SCML2: variants seen among roughly 807,000 people sequenced by gnomAD.
SCML2 encodes the protein sex comb on midleg-like protein 2.
SCML2 carries 6 observed loss-of-function variants against 48.4 expected under a neutral mutation model. That is an observed-to-expected ratio of 0.12 (90% CI 0.07 to 0.24). SCML2 has a LOEUF of 0.24. Among genes scored for constraint, SCML2 ranks in the 10% least tolerant of loss-of-function variants. The pLI is 1.00. For missense variants in SCML2, 377 were observed against 528.2 expected (o/e 0.71, Z 2.81); for synonymous variants, 181 against 189.5 (o/e 0.95, Z 0.37).
chrX:18,301,397 C>T (rs774163863), intron 7 of SCML2, among the ~76,000 whole-genome samples: 1 of 105,847 alleles, frequency 9.4e-6, no homozygotes, highest in African/African-American at 3.5e-5. Context: ...GACTCCGTCT[C>T]AGGAAAAAAA....
chrX:18,247,682 C>T (rs770537266), intron 12 of SCML2, 87 bp downstream of exon 12: 737 of 680,468 alleles, frequency 1.1e-3, no homozygotes, highest in Non-Finnish European at 1.4e-3. Context: ...TACCTCCCTA[C>T]CTCCAATACT....
intron 7 of SCML2, among the ~76,000 whole-genome samples, chrX:18,270,799 A>T (rs910736907): frequency 9.0e-6 from 1 of 111,490 alleles, no homozygotes; most frequent in Non-Finnish European, 1.9e-5. Flanking sequence ...ATAAAACTTT[A>T]TATGTTCATA....
In SCML2 at chrX:18,285,487, G is replaced by A. The variant is rs767348202; in HGVS notation, c.730+19485C>T. 3.8e-4 allele frequency among the ~76,000 whole-genome samples: 42 copies of A among 109,997 alleles called. No individual in the cohort carries two copies. The South Asian group carries it at 5.1e-3, about 13-fold the overall frequency. ...AAATACTGCATGTCCTCACTTATAC[G>A]TGAGAGCTAAACACTGAGCACACAT... On this transcript the variant is annotated intron_variant, in intron 7 of 14. Transcript: ENST00000251900.
intron 1 of SCML2, among the ~76,000 whole-genome samples, chrX:18,344,589 A>C (rs1481811117): frequency 9.0e-6 from 1 of 111,491 alleles, no homozygotes; most frequent in East Asian, 2.8e-4. Context: ...CACTGTTCTC[A>C]TGGTAGTGAA....
chrX:18,291,353 A>G (rs184971668), intron 7 of SCML2, among the ~76,000 whole-genome samples: 13 of 112,268 alleles, frequency 1.2e-4, no homozygotes, highest in African/African-American at 3.5e-4. Flanking sequence ...TGAATTTTCT[A>G]TCCAAGTAAG....
intron 7 of SCML2, among the ~76,000 whole-genome samples, chrX:18,296,256 T>C (rs1241865595): frequency 7.3e-5 from 8 of 109,139 alleles, no homozygotes; most frequent in African/African-American, 1.3e-4. Flanking sequence ...ACCAGAGAAA[T>C]AGATAGCATA....
intron 7 of SCML2, among the ~76,000 whole-genome samples, chrX:18,292,898 C>G (rs5909443): frequency 0.27 from 29,584 of 110,577 alleles, 3,376 homozygotes; most frequent in African/African-American, 0.43. Context: ...CTTAGTATAA[C>G]TAGAAACACT....
intron 14 of SCML2, 78 bp from the exon 15 acceptor site, chrX:18,241,457 A>G: frequency 1.4e-6 from 1 of 739,058 alleles, no homozygotes; most frequent in African/African-American, 2.1e-5. Flanking sequence ...TGTAAAATAC[A>G]GCAGCTGTAT....
chrX:18,354,068 C>G (rs1930460452), intron 1 of SCML2, among the ~76,000 whole-genome samples: 1 of 112,474 alleles, frequency 8.9e-6, no homozygotes, highest in African/African-American at 3.2e-5. Context: ...CCGCCAGGAG[C>G]CCGGCGGCGC....
At chrX:18,275,666 T>C (rs1702786735) in intron 7 of SCML2, among the ~76,000 whole-genome samples, 1 of 112,376 alleles carries the variant, frequency 8.9e-6, no homozygotes, top group African/African-American at 3.2e-5. Context: ...TTGCTGATTG[T>C]TAATGTTAAT....
intron 7 of SCML2, among the ~76,000 whole-genome samples, chrX:18,292,105 C>G (rs1322549097): frequency 4.5e-5 from 5 of 111,574 alleles, no homozygotes; most frequent in Non-Finnish European, 7.5e-5. Context: ...AAGATTCAAT[C>G]TCACTAGTAA....
chrX:18,252,260 C>T (rs895033684), intron 11 of SCML2, among the ~76,000 whole-genome samples: 4 of 112,605 alleles, frequency 3.6e-5, no homozygotes, highest in African/African-American at 9.7e-5. Context: ...GGCAACAGAG[C>T]GAGACTCCGT....
intron 7 of SCML2, among the ~76,000 whole-genome samples, chrX:18,303,438 C>T (rs1387659874): frequency 8.9e-6 from 1 of 111,778 alleles, no homozygotes; most frequent in Admixed American, 9.5e-5. Flanking sequence ...TATCTCCATT[C>T]TGCCTGGCAA....
chrX:18,327,722 C>T (rs1019832688), intron 3 of SCML2, among the ~76,000 whole-genome samples: 1 of 111,562 alleles, frequency 9.0e-6, no homozygotes, highest in Non-Finnish European at 1.9e-5. Context: ...CCATTTGGAG[C>T]CTCAGGTTCG....
chrX:18,273,201 C>T lies in SCML2; in HGVS notation c.731-7399G>A, dbSNP rs759409844. ...TTGACTGCCTTCTCCCCCATCCCCA[C>T]CTCAGTTTTGAGTGCTCTAGTTCAG... On this transcript the variant is annotated intron_variant, in intron 7 of 14. Transcript: ENST00000251900. 3.9e-3 allele frequency among the ~76,000 whole-genome samples: 437 copies of T among 111,389 alleles called. 4 individuals are homozygous for T. Among genetic ancestry groups the T allele is most frequent in the African/African-American group, 0.013 (410 of 30,660 alleles).
chrX:18,307,549 T>G (rs1026484121), intron 6 of SCML2, among the ~76,000 whole-genome samples: 6 of 112,011 alleles, frequency 5.4e-5, no homozygotes, highest in African/African-American at 1.9e-4. Context: ...CCCAGGACCT[T>G]ACACTGTCTT....
intron 7 of SCML2, among the ~76,000 whole-genome samples, chrX:18,302,680 TA>T (rs1207776120): frequency 2.7e-5 from 3 of 111,650 alleles, no homozygotes; most frequent in Non-Finnish European, 5.6e-5. Flanking sequence ...ATCAACAAAA[TA>T]AGTAAACTGC....
At chrX:18,257,936 G>A (rs1386592478) in intron 10 of SCML2, 108 bp downstream of exon 10, 1 of 460,688 alleles carries the variant, frequency 2.2e-6, no homozygotes, top group African/African-American at 3.1e-5. Flanking sequence ...GGGAAGGGGA[G>A]GGGAAAGGGG....
intron 8 of SCML2, among the ~76,000 whole-genome samples, chrX:18,264,428 C>T (rs1161919088): frequency 3.9e-5 from 3 of 76,013 alleles, no homozygotes; most frequent in African/African-American, 1.5e-4. Context: ...TTAATCAGTA[C>T]GATTGTGTGT....
Sources: gnomAD v4.1 joint callset for allele counts (sites outside exome capture counted in the v4.1 genomes callset) on GRCh38, gnomAD v4.1.1 for gene constraint, MANE v1.5 for transcripts, NCBI Gene and HGNC (gene_info 2026-07-23, HGNC 2026-07-21) for gene names.